HMCN1: variants seen among roughly 807,000 people sequenced by gnomAD.
The protein encoded by HMCN1 is hemicentin-1.
Under a neutral mutation model 625.9 loss-of-function variants are expected in HMCN1, and 321 were observed. That is an observed-to-expected ratio of 0.51 (90% confidence interval 0.47 to 0.56). The LOEUF (loss-of-function observed/expected upper bound fraction) is 0.56. Ranked by LOEUF, HMCN1 falls within the 20% of genes least tolerant of loss-of-function variation. The pLI is 0.00. For missense variants in HMCN1, 6,588 were observed against 6,887.3 expected (o/e 0.96, Z 1.54); for synonymous variants, 2,425 against 2,417.6 (o/e 1.00, Z -0.09).
chr1:185,893,504 T>C (rs1400507821), intron 4 of HMCN1, among the ~76,000 whole-genome samples: 1 of 152,220 alleles, frequency 6.6e-6, no homozygotes, highest in Non-Finnish European at 1.5e-5. Flanking sequence ...AACATATTTA[T>C]ATTAACAATT....
intron 4 of HMCN1, among the ~76,000 whole-genome samples, chr1:185,877,534 A>G (rs1664033422): frequency 6.6e-6 from 1 of 151,500 alleles, no homozygotes; most frequent in South Asian, 2.1e-4. Flanking sequence ...ATTACATTGA[A>G]TCTGCATATT....
chr1:186,054,110 A>C (rs1657149013), intron 44 of HMCN1, 124 bp downstream of exon 44: 1 of 955,276 alleles, frequency 1.0e-6, no homozygotes, highest in East Asian at 2.6e-5. Context: ...ATCATATGAC[A>C]CACACATTTA....
chr1:186,036,075 G>A (rs1292936159), intron 36 of HMCN1, among the ~76,000 whole-genome samples: 1 of 152,100 alleles, frequency 6.6e-6, no homozygotes, highest in Non-Finnish European at 1.5e-5. Flanking sequence ...TATAAATCAT[G>A]TTGTTTTGTC....
chr1:185,829,307 G>A (rs964790561), intron 1 of HMCN1, among the ~76,000 whole-genome samples: 1 of 151,864 alleles, frequency 6.6e-6, no homozygotes, highest in African/African-American at 2.4e-5. Flanking sequence ...AAATAAAAGG[G>A]GGATACGTGT....
intron 1 of HMCN1, among the ~76,000 whole-genome samples, chr1:185,755,809 A>T (rs553350346): frequency 6.6e-6 from 1 of 152,270 alleles, no homozygotes; most frequent in Non-Finnish European, 1.5e-5. Context: ...AATGGGAGTA[A>T]AGGGGCTACC....
intron 4 of HMCN1, among the ~76,000 whole-genome samples, chr1:185,867,976 G>A (rs1663372894): frequency 6.6e-6 from 1 of 152,036 alleles, no homozygotes; most frequent in African/African-American, 2.4e-5. Context: ...GGCTGAGGCA[G>A]GAGAATCACT....
chr1:186,008,164 C>T lies in HMCN1; in HGVS notation c.4630+882C>T, dbSNP rs866431821. Among the ~76,000 whole-genome samples, 3 of 152,196 alleles carry T rather than the reference C, an allele frequency of 2.0e-5. No homozygotes were observed. In the South Asian group the frequency reaches 6.2e-4, roughly 32 times the overall value. Reference sequence around the variant, plus strand: ...GGAATTTAAACTTGATAAGAGTAGGCTTTTGTTTTGCATGTTCCCTACTTT... The same window carrying T: ...GGAATTTAAACTTGATAAGAGTAGGTTTTTGTTTTGCATGTTCCCTACTTT... On this transcript the variant is annotated intron_variant, in intron 30 of 106. Coordinates refer to ENST00000271588, the MANE Select transcript of HMCN1 (RefSeq NM_031935.3).
In HMCN1 at chr1:186,109,019, A is replaced by G. The variant is rs141068375; in HGVS notation, c.10989+422A>G. Among the ~76,000 whole-genome samples the G allele has an allele frequency of 7.2e-5, 11 of 152,340 alleles. No individual in the cohort carries two copies. In the East Asian group the frequency reaches 2.1e-3, roughly 29 times the overall value. ...AAGCTTGGACCTTACAAGTGACCCC[A>G]AAGATACCAGGCATCTGAGACTGGA... On this transcript the variant is annotated intron_variant, in intron 71 of 106. Coordinates refer to ENST00000271588, the MANE Select transcript of HMCN1 (RefSeq NM_031935.3).
intron 68 of HMCN1, among the ~76,000 whole-genome samples, chr1:186,096,511 G>A (rs972027234): frequency 3.9e-5 from 6 of 152,134 alleles, no homozygotes; most frequent in Non-Finnish European, 8.8e-5. Flanking sequence ...CTAAATAAAT[G>A]AAGTATGGTT....
chr1:185,756,413 C>A (rs1557944720), intron 1 of HMCN1, among the ~76,000 whole-genome samples: 1 of 150,580 alleles, frequency 6.6e-6, no homozygotes, highest in Non-Finnish European at 1.5e-5. Context: ...GGGTCTGGAA[C>A]TGTTTTTTCC....
intron 1 of HMCN1, among the ~76,000 whole-genome samples, chr1:185,780,382 A>G (rs1197823604): frequency 6.6e-6 from 1 of 152,162 alleles, no homozygotes; most frequent in Non-Finnish European, 1.5e-5. Flanking sequence ...TTCCAACACT[A>G]TGTTGAATAG....
intron 9 of HMCN1, among the ~76,000 whole-genome samples, chr1:185,925,466 T>C (rs1667230569): frequency 6.6e-6 from 1 of 152,192 alleles, no homozygotes; most frequent in Admixed American, 6.5e-5. Flanking sequence ...TTTTTTAATT[T>C]GTGGGTCTGT....
chr1:185,989,793 T>A (rs1652292984), intron 21 of HMCN1, 146 bp downstream of exon 21: 15 of 716,030 alleles, frequency 2.1e-5, no homozygotes, highest in Non-Finnish European at 3.3e-5. Context: ...TTTTTTTTTT[T>A]ACAGAAATGC....
intron 86 of HMCN1, among the ~76,000 whole-genome samples, chr1:186,133,138 A>C (rs1662033579): frequency 6.6e-6 from 1 of 152,050 alleles, no homozygotes. Flanking sequence ...TAGAAATACC[A>C]TTTAACCCAG....
At chr1:185,788,184 G>T (rs978121174) in intron 1 of HMCN1, among the ~76,000 whole-genome samples, 3 of 152,198 alleles carry the variant, frequency 2.0e-5, no homozygotes, top group Admixed American at 6.5e-5. Flanking sequence ...TTATTTGAAA[G>T]TTCTGGCATT....
chr1:186,165,586 T>C (rs1352649691), intron 98 of HMCN1, among the ~76,000 whole-genome samples: 5 of 152,222 alleles, frequency 3.3e-5, no homozygotes, highest in African/African-American at 9.6e-5. Flanking sequence ...TGTGGACTTA[T>C]GACTAATGAT....
intron 1 of HMCN1, among the ~76,000 whole-genome samples, chr1:185,825,982 T>C (rs1002670188): frequency 6.6e-6 from 1 of 152,206 alleles, no homozygotes; most frequent in Non-Finnish European, 1.5e-5. Context: ...TTAAAAGTTA[T>C]CTTGGGAGAA....
rs768149851 is a variant in HMCN1, at chr1:186,174,635, C to T, written c.15936C>T (p.Pro5312=). The change falls in exon 103 of 107, where the codon CCC becomes CCT. Residue 5312 remains proline (P), a synonymous_variant. Coordinates refer to ENST00000271588, the MANE Select transcript of HMCN1 (RefSeq NM_031935.3). ...RGYRSQGVGR[P]CMDINECEQV... is the part of the protein sequence containing the mutation. Reference sequence around the variant, plus strand: ...ATCGGTCTCAAGGAGTTGGAAGACCCTGCATGGGTAAGTTAATAGGAACTT... The same window carrying T: ...ATCGGTCTCAAGGAGTTGGAAGACCTTGCATGGGTAAGTTAATAGGAACTT... The T allele has an allele frequency of 1.2e-6, 2 of 1,613,850 alleles. No individual in the cohort carries two copies. The highest frequency in any genetic ancestry group is 2.7e-5 in the African/African-American group (2 of 74,912).
At chr1:185,794,073 A>G (rs1658180482) in intron 1 of HMCN1, among the ~76,000 whole-genome samples, 1 of 152,196 alleles carries the variant, frequency 6.6e-6, no homozygotes, top group Admixed American at 6.5e-5. Flanking sequence ...CTTGATAAGT[A>G]CACAGCTCTG....
Sources: allele counts gnomAD v4.1 joint callset (sites outside exome capture counted in the v4.1 genomes callset), GRCh38; gene constraint gnomAD v4.1.1; transcripts MANE v1.5; gene names NCBI Gene and HGNC (gene_info 2026-07-23, HGNC 2026-07-21).